The following EPB41L2 variants were observed in gnomAD, a reference collection of about 807,000 sequenced individuals.
EPB41L2 encodes band 4.1-like protein 2.
A neutral mutation model predicts 113.0 loss-of-function variants in EPB41L2; 43 were observed. The ratio of observed to expected loss-of-function variants is 0.38; its 90% CI spans 0.30 to 0.49. The LOEUF (loss-of-function observed/expected upper bound fraction) is 0.49. Ranked by LOEUF, EPB41L2 falls within the 20% of genes least tolerant of loss-of-function variation. The pLI is 0.95. For synonymous variants in EPB41L2, 442 were observed against 436.7 expected (o/e 1.01, Z -0.15); for missense variants, 1,147 against 1,223.4 (o/e 0.94, Z 0.93).
At chr6:130,843,523 C>G (rs566206876) in intron 19 of EPB41L2, among the ~76,000 whole-genome samples, 74 of 152,302 alleles carry the variant, frequency 4.9e-4, no homozygotes, top group African/African-American at 1.7e-3. Flanking sequence ...ATTAATTCAA[C>G]CTGCTTTCAC....
At chr6:130,938,574 A>G (rs1809701973) in intron 3 of EPB41L2, among the ~76,000 whole-genome samples, 1 of 152,192 alleles carries the variant, frequency 6.6e-6, no homozygotes, top group African/African-American at 2.4e-5. Flanking sequence ...TTGGGTGAAC[A>G]TGGCCCTGAA....
intron 6 of EPB41L2, among the ~76,000 whole-genome samples, chr6:130,904,052 T>C (rs1050418457): frequency 9.8e-5 from 15 of 152,340 alleles, no homozygotes; most frequent in East Asian, 1.9e-4. Flanking sequence ...ACCAGTTCAA[T>C]TGGACTTTTA....
intron 4 of EPB41L2, among the ~76,000 whole-genome samples, chr6:130,914,667 TCA>T (rs1800399684): frequency 6.6e-6 from 1 of 152,148 alleles, no homozygotes; most frequent in Non-Finnish European, 1.5e-5. Flanking sequence ...AGGGATCTTC[TCA>T]GTGTTTCCCA....
At chr6:131,057,197 T>C (rs1403474498) in intron 1 of EPB41L2, among the ~76,000 whole-genome samples, 1 of 152,202 alleles carries the variant, frequency 6.6e-6, no homozygotes, top group Non-Finnish European at 1.5e-5. Flanking sequence ...TAAAGTTCTC[T>C]TTCTCCCTTA....
At position 130,858,330 on chromosome 6, in the gene EPB41L2, G is replaced by C. The variant is rs114284274; in HGVS notation, c.2911-87C>G. 1,481 of 1,014,914 alleles carry C rather than the reference G, an allele frequency of 1.5e-3. 19 individuals carry two copies. In the African/African-American group the frequency reaches 0.022, roughly 15 times the overall value. The allele number at this position is 1,014,914 out of a possible 1,614,324, so 62.9% of individuals were successfully genotyped here. ...AAAACACACACACACTGATCACCTC[G>C]GACCCAACCTCAAGCCAAGAGGCAC... On this transcript the variant is annotated intron_variant, in intron 18 of 19. Coordinates refer to ENST00000337057, the MANE Select transcript of EPB41L2 (RefSeq NM_001431.4).
At chr6:131,010,862 AC>A (rs1411578525) in intron 1 of EPB41L2, among the ~76,000 whole-genome samples, 1 of 152,130 alleles carries the variant, frequency 6.6e-6, no homozygotes, top group African/African-American at 2.4e-5. Context: ...AAGACCACAC[AC>A]TAGCCTGCCA....
chr6:130,907,782 T>C (rs1294707683), intron 5 of EPB41L2, among the ~76,000 whole-genome samples: 8 of 152,040 alleles, frequency 5.3e-5, no homozygotes, highest in Admixed American at 5.2e-4. Flanking sequence ...AGCTAGATGG[T>C]AGATGAAAAG....
intron 9 of EPB41L2, among the ~76,000 whole-genome samples, chr6:130,894,741 A>C (rs1794064888): frequency 6.6e-6 from 1 of 152,108 alleles, no homozygotes; most frequent in African/African-American, 2.4e-5. Flanking sequence ...ACGAGCCCAC[A>C]CCTTATCACA....
intron 8 of EPB41L2, among the ~76,000 whole-genome samples, chr6:130,896,523 G>C (rs760738584): frequency 6.6e-6 from 1 of 152,196 alleles, no homozygotes; most frequent in Non-Finnish European, 1.5e-5. Flanking sequence ...TTGAAACATT[G>C]AATGAGCCAT....
intron 1 of EPB41L2, among the ~76,000 whole-genome samples, chr6:131,061,391 T>C (rs959345421): frequency 1.3e-5 from 2 of 152,230 alleles, no homozygotes; most frequent in African/African-American, 4.8e-5. Context: ...TGAAGTTTGA[T>C]GGTGGTTCTT....
intron 1 of EPB41L2, among the ~76,000 whole-genome samples, chr6:131,011,782 G>A (rs1441170779): frequency 6.6e-6 from 1 of 152,152 alleles, no homozygotes; most frequent in African/African-American, 2.4e-5. Flanking sequence ...CAGTTTAAAG[G>A]GTGACCTCCC....
chr6:131,005,032 T>G (rs1462959434), intron 1 of EPB41L2, among the ~76,000 whole-genome samples: 1 of 152,236 alleles, frequency 6.6e-6, no homozygotes, highest in Non-Finnish European at 1.5e-5. Context: ...TGTTTTTACT[T>G]ACATTCCAAA....
At chr6:131,003,626 A>T (rs1784834386) in intron 1 of EPB41L2, among the ~76,000 whole-genome samples, 1 of 152,142 alleles carries the variant, frequency 6.6e-6, no homozygotes, top group African/African-American at 2.4e-5. Context: ...CTTGGGAGTG[A>T]CTGAACGCAA....
At chr6:131,005,035 A>G (rs1019934813) in intron 1 of EPB41L2, among the ~76,000 whole-genome samples, 7 of 152,350 alleles carry the variant, frequency 4.6e-5, no homozygotes, top group African/African-American at 1.7e-4. Context: ...TTTTACTTAC[A>G]TTCCAAAGGC....
At position 130,955,890 on chromosome 6, in the gene EPB41L2, T is replaced by G. The variant is rs1817285677; in HGVS notation, c.492+104A>C. On this transcript the variant is annotated intron_variant, in intron 2 of 19. Transcript: ENST00000337057. ...CCGTATACATTAAGCTAAAGCAGTATCTCAGTACAAGAAATCTGGAAATGA... is the reference window on the plus strand; with the variant it reads ...CCGTATACATTAAGCTAAAGCAGTAGCTCAGTACAAGAAATCTGGAAATGA... 2.0e-6 allele frequency: 3 copies of G among 1,507,292 alleles called. No homozygotes were observed. In the African/African-American group the frequency reaches 4.2e-5, roughly 21 times the overall value. 93.4% of individuals were successfully genotyped at this position (1,507,292 alleles called of 1,614,324 possible). A position where few individuals can be genotyped will look rare whatever the true frequency, so the allele number is the denominator to read the frequency against.
At chr6:130,860,658 G>A (rs1462834973) in intron 18 of EPB41L2, among the ~76,000 whole-genome samples, 3 of 151,588 alleles carry the variant, frequency 2.0e-5, no homozygotes, top group Admixed American at 6.6e-5. Flanking sequence ...TCAGCCTCCC[G>A]AATAGCTGCG....
chr6:131,010,359 C>T (rs540389938), intron 1 of EPB41L2, among the ~76,000 whole-genome samples: 1 of 152,028 alleles, frequency 6.6e-6, no homozygotes, highest in African/African-American at 2.4e-5. Flanking sequence ...ACATCAAGGG[C>T]CATTTCTATT....
intron 11 of EPB41L2, among the ~76,000 whole-genome samples, chr6:130,886,563 T>C (rs925838721): frequency 2.0e-5 from 3 of 152,222 alleles, no homozygotes; most frequent in East Asian, 1.9e-4. Context: ...TATCAAATCA[T>C]AGTCAACATT....
intron 1 of EPB41L2, among the ~76,000 whole-genome samples, chr6:130,991,805 GA>G (rs1217635176): frequency 1.3e-5 from 2 of 152,142 alleles, no homozygotes; most frequent in Admixed American, 1.3e-4. Context: ...TTCCTCTTCA[GA>G]AGGAGATTTG....
Sources: allele counts gnomAD v4.1 joint callset (sites outside exome capture counted in the v4.1 genomes callset), GRCh38; gene constraint gnomAD v4.1.1; transcripts MANE v1.5; gene names NCBI Gene and HGNC (gene_info 2026-07-23, HGNC 2026-07-21).